KCNQ5: variants seen among roughly 807,000 people sequenced by gnomAD.
KCNQ5 encodes potassium voltage-gated channel subfamily KQT member 5.
A neutral mutation model predicts 98.2 loss-of-function variants in KCNQ5; 30 were observed. The observed-to-expected ratio is 0.31, with a 90% CI of 0.23 to 0.41. KCNQ5 has a LOEUF of 0.41. KCNQ5 is among the 10% of genes least tolerant of loss of function. KCNQ5 has a pLI of 1.00. For missense variants in KCNQ5, 835 were observed against 1,182.5 expected (o/e 0.71, Z 4.31); for synonymous variants, 458 against 449.4 (o/e 1.02, Z -0.24).
intron 1 of KCNQ5, among the ~76,000 whole-genome samples, chr6:72,773,466 A>G (rs1211349806): frequency 1.3e-5 from 2 of 152,042 alleles, no homozygotes; most frequent in Non-Finnish European, 2.9e-5. Context: ...GTGGGAAGCT[A>G]GGGGAGGGAT....
At chr6:73,112,140 A>G (rs1377014406) in intron 7 of KCNQ5, among the ~76,000 whole-genome samples, 1 of 152,084 alleles carries the variant, frequency 6.6e-6, no homozygotes, top group Admixed American at 6.5e-5. Flanking sequence ...TGTTAGATTC[A>G]TAATGTAGAG....
intron 6 of KCNQ5, among the ~76,000 whole-genome samples, chr6:73,106,890 C>T (rs1030672639): frequency 2.4e-4 from 37 of 152,028 alleles, no homozygotes; most frequent in African/African-American, 8.9e-4. Context: ...AGAGAACTCT[C>T]AATAAATGTT....
chr6:72,949,824 C>T (rs1184929079), intron 1 of KCNQ5, among the ~76,000 whole-genome samples: 2 of 152,078 alleles, frequency 1.3e-5, no homozygotes, highest in Admixed American at 6.5e-5. Flanking sequence ...ATAACATTTC[C>T]CTTGCCCTTT....
intron 1 of KCNQ5, among the ~76,000 whole-genome samples, chr6:72,703,161 G>A (rs1419911573): frequency 2.0e-5 from 3 of 152,206 alleles, no homozygotes; most frequent in South Asian, 4.1e-4. Flanking sequence ...AGAAGTGGTG[G>A]TTATTTGTCA....
At chr6:73,097,816 AC>A in intron 5 of KCNQ5, among the ~76,000 whole-genome samples, 1 of 152,336 alleles carries the variant, frequency 6.6e-6, no homozygotes, top group South Asian at 2.1e-4. Flanking sequence ...GGCTTGGGGT[AC>A]CCCTTAATGC....
chr6:73,171,794 T>G (rs1037301694), intron 11 of KCNQ5, among the ~76,000 whole-genome samples: 3 of 152,200 alleles, frequency 2.0e-5, no homozygotes, highest in Non-Finnish European at 4.4e-5. Context: ...GTGGGACAAT[T>G]CAGTCCACGA....
intron 1 of KCNQ5, among the ~76,000 whole-genome samples, chr6:72,925,106 A>G (rs1322725018): frequency 6.6e-6 from 1 of 152,180 alleles, no homozygotes; most frequent in East Asian, 1.9e-4. Flanking sequence ...CTCTCTCAGT[A>G]AAACATTAGC....
Position 72,860,817 on chromosome 6 carries a change from C to T in KCNQ5, c.399-143091C>T, listed in dbSNP as rs1303964650. On this transcript the variant is annotated intron_variant, in intron 1 of 13. Coordinates refer to ENST00000370398, the MANE Select transcript of KCNQ5 (RefSeq NM_019842.4). Reference sequence around the variant, plus strand: ...TCTTGGTCTTAATGTATTCCTGGCTCATCACTGTCCTTTTAAGGCATGTGT... The same window carrying T: ...TCTTGGTCTTAATGTATTCCTGGCTTATCACTGTCCTTTTAAGGCATGTGT... Among the ~76,000 whole-genome samples, 3 of 150,578 alleles carry T rather than the reference C, an allele frequency of 2.0e-5. No homozygotes were observed. In the East Asian group the frequency reaches 5.8e-4, roughly 29 times the overall value.
intron 1 of KCNQ5, among the ~76,000 whole-genome samples, chr6:72,673,360 T>C (rs1767237627): frequency 6.6e-6 from 1 of 152,228 alleles, no homozygotes; most frequent in South Asian, 2.1e-4. Context: ...TGTATTTTCT[T>C]CCTTGAAATA....
At chr6:72,983,552 T>C (rs1768580850) in intron 1 of KCNQ5, among the ~76,000 whole-genome samples, 1 of 152,210 alleles carries the variant, frequency 6.6e-6, no homozygotes, top group South Asian at 2.1e-4. Context: ...CTACACTGTT[T>C]ATTCTAGTTA....
intron 1 of KCNQ5, among the ~76,000 whole-genome samples, chr6:72,756,517 T>C (rs186121665): frequency 2.0e-5 from 3 of 152,328 alleles, no homozygotes; most frequent in Admixed American, 6.5e-5. Flanking sequence ...TGGAAGGATA[T>C]GTGTCATCTA....
intron 1 of KCNQ5, among the ~76,000 whole-genome samples, chr6:72,937,648 A>G (rs1766008474): frequency 6.6e-6 from 1 of 152,230 alleles, no homozygotes; most frequent in African/African-American, 2.4e-5. Flanking sequence ...ACAATCAGCC[A>G]CACAAAGAAG....
At chr6:72,938,815 C>T (rs572564688) in intron 1 of KCNQ5, among the ~76,000 whole-genome samples, 17 of 152,136 alleles carry the variant, frequency 1.1e-4, no homozygotes, top group Admixed American at 3.3e-4. Flanking sequence ...GACATATAAA[C>T]AAAAGAAGGC....
chr6:73,156,011 G>C (rs987007291), intron 10 of KCNQ5, among the ~76,000 whole-genome samples: 1 of 152,182 alleles, frequency 6.6e-6, no homozygotes, highest in Non-Finnish European at 1.5e-5. Flanking sequence ...AAATGAAATT[G>C]TGCTACTGCA....
In KCNQ5 at chr6:72,771,877, C is replaced by A. The variant is rs138548047; in HGVS notation, c.398+149290C>A. Among the ~76,000 whole-genome samples, 1,404 of 152,018 alleles carry A rather than the reference C, an allele frequency of 9.2e-3. 18 individuals carry two copies. The highest frequency in any genetic ancestry group is 0.03 in the African/African-American group (1,258 of 41,482). ...GATACAAGGAACTAGAGGATGCAAT[C>A]TATGGTTGGGTTATTTACGTATAGG... On this transcript the variant is annotated intron_variant, in intron 1 of 13. Transcript: ENST00000370398.
intron 1 of KCNQ5, among the ~76,000 whole-genome samples, chr6:72,884,519 T>C (rs1778777742): frequency 6.6e-6 from 1 of 152,184 alleles, no homozygotes; most frequent in African/African-American, 2.4e-5. Context: ...CAGAGATACA[T>C]CCTCACTTTC....
intron 11 of KCNQ5, among the ~76,000 whole-genome samples, chr6:73,176,594 A>G (rs1778223995): frequency 6.6e-6 from 1 of 152,226 alleles, no homozygotes; most frequent in South Asian, 2.1e-4. Context: ...AGAGAGAACT[A>G]TTATTACAAT....
chr6:72,797,975 A>C (rs1774429665), intron 1 of KCNQ5, among the ~76,000 whole-genome samples: 2 of 152,174 alleles, frequency 1.3e-5, no homozygotes, highest in Non-Finnish European at 2.9e-5. Context: ...AAAACAAATA[A>C]ATGTGAAAAT....
At chr6:72,751,002 G>A (rs1771650726) in intron 1 of KCNQ5, among the ~76,000 whole-genome samples, 1 of 151,834 alleles carries the variant, frequency 6.6e-6, no homozygotes, top group Non-Finnish European at 1.5e-5. Flanking sequence ...GATAGAGCTG[G>A]TACTGGGATG....
Sources: gnomAD v4.1 joint callset for allele counts (sites outside exome capture counted in the v4.1 genomes callset) on GRCh38, gnomAD v4.1.1 for gene constraint, MANE v1.5 for transcripts, NCBI Gene and HGNC (gene_info 2026-07-23, HGNC 2026-07-21) for gene names.